The following PPCDC variants were observed in gnomAD, a reference collection of about 807,000 sequenced individuals.
The protein encoded by PPCDC is phosphopantothenoylcysteine decarboxylase.
Under a neutral mutation model 20.7 loss-of-function variants are expected in PPCDC, and 20 were observed. The observed-to-expected ratio is 0.97, with a 90% CI of 0.68 to 1.41. The LOEUF (loss-of-function observed/expected upper bound fraction) is 1.41, where lower values mean the gene tolerates loss of function less well. Among genes scored for constraint, PPCDC ranks in the 40% most tolerant of loss-of-function variants. The pLI is 0.00. For missense variants in PPCDC, 246 were observed against 263.8 expected, an observed-to-expected ratio of 0.93 and a Z score of 0.47; for synonymous variants, 88 against 100.3, an observed-to-expected ratio of 0.88 and a Z score of 0.73.
intron 2 of PPCDC, among the ~76,000 whole-genome samples, chr15:75,042,073 A>T (rs1345471115): frequency 6.6e-6 from 1 of 152,220 alleles, no homozygotes; most frequent in Non-Finnish European, 1.5e-5. Context: ...AAATCTTCCA[A>T]CTTGGACATG....
chr15:75,031,697 C>T (rs2066023845), intron 2 of PPCDC, among the ~76,000 whole-genome samples: 1 of 152,078 alleles, frequency 6.6e-6, no homozygotes, highest in South Asian at 2.1e-4. Context: ...GAGCAAGACT[C>T]CATCTCAAAA....
intron 4 of PPCDC, among the ~76,000 whole-genome samples, chr15:75,047,881 G>T (rs1767296124): frequency 6.6e-6 from 1 of 152,194 alleles, no homozygotes; most frequent in Non-Finnish European, 1.5e-5. Context: ...CTGTGAGCTG[G>T]ATGGCTCCTT....
rs375784950 is a variant in PPCDC at position 75,044,529 on chromosome 15, G to A, written c.360+15G>A. On this transcript the variant is annotated intron_variant, in intron 4 of 5. Transcript: ENST00000342932. ...ACAACTTGCTTGTGAGTGATGTCCT[G>A]GTGCCCTCGTCCGTCCCTGGGCCTC... is the stretch of plus-strand genomic sequence containing the variant. 4 of 1,611,850 alleles carry A rather than the reference G, an allele frequency of 2.5e-6. No homozygotes were observed. The highest frequency in any genetic ancestry group is 2.7e-5 in the African/African-American group (2 of 74,924).
chr15:75,031,002 T>C (rs1241862017), intron 2 of PPCDC, among the ~76,000 whole-genome samples: 1 of 152,060 alleles, frequency 6.6e-6, no homozygotes, highest in African/African-American at 2.4e-5. Flanking sequence ...CTTGAGTATG[T>C]TGGGGCAGGT....
At position 75,028,981 on chromosome 15, in the gene PPCDC, C is replaced by T. The variant is rs186360123; in HGVS notation, c.135+528C>T. Among the ~76,000 whole-genome samples the T allele has an allele frequency of 5.4e-3, 829 of 152,236 alleles. 6 individuals carry two copies. The highest frequency in any genetic ancestry group is 0.019 in the African/African-American group (790 of 41,532). Reference sequence around the variant, plus strand: ...TGTTCAGAGCTGCCCCAGGGGCCCCCGACTGTGTGCTGGGGTGAGGGACTC... The same window carrying T: ...TGTTCAGAGCTGCCCCAGGGGCCCCTGACTGTGTGCTGGGGTGAGGGACTC... On this transcript the variant is annotated intron_variant, in intron 2 of 5. Transcript: ENST00000342932.
intron 2 of PPCDC, among the ~76,000 whole-genome samples, chr15:75,041,102 C>T (rs910443459): frequency 6.6e-6 from 1 of 152,138 alleles, no homozygotes; most frequent in South Asian, 2.1e-4. Flanking sequence ...ACTTATTGTG[C>T]CCTCTTCTTT....
chr15:75,039,788 G>GT (rs34584428), intron 2 of PPCDC, among the ~76,000 whole-genome samples: 43,626 of 142,646 alleles, frequency 0.31, 7,477 homozygotes, highest in East Asian at 0.6. Context: ...TTCTTTCTTT[G>GT]TTTTTTTTTT....
intron 2 of PPCDC, among the ~76,000 whole-genome samples, chr15:75,030,601 C>T (rs1298666196): frequency 6.6e-6 from 1 of 152,206 alleles, no homozygotes; most frequent in Non-Finnish European, 1.5e-5. Context: ...TCCCTGCACA[C>T]TCCCCTTCAC....
intron 4 of PPCDC, among the ~76,000 whole-genome samples, chr15:75,046,637 A>C (rs906847961): frequency 2.0e-5 from 3 of 152,246 alleles, no homozygotes; most frequent in Non-Finnish European, 4.4e-5. Flanking sequence ...CAAATTTTAC[A>C]AAGTTTGAAG....
intron 2 of PPCDC, among the ~76,000 whole-genome samples, chr15:75,038,747 T>A (rs778573817): frequency 3.3e-5 from 5 of 152,192 alleles, no homozygotes; most frequent in Non-Finnish European, 1.5e-5. Flanking sequence ...AATTTAATTT[T>A]TTTTTTGTAA....
At position 75,028,125 on chromosome 15, in the gene PPCDC, T is replaced by G. The variant is rs184963365; in HGVS notation, c.-72-122T>G. On this transcript the variant is annotated intron_variant, in intron 1 of 5. Coordinates refer to ENST00000342932, the MANE Select transcript of PPCDC (RefSeq NM_021823.5). ...CTTTCTTATCAAACTGTGTGCTCCC[T>G]GAAGCCAGGACTGCTGATCCCTTCC... 1,211 of 664,802 alleles carry G rather than the reference T, an allele frequency of 1.8e-3. 9 individuals carry two copies. Among genetic ancestry groups the G allele is most frequent in the Middle Eastern group, 1.7e-3 (4 of 2,376 alleles). 41.2% of individuals were successfully genotyped at this position (664,802 alleles called of 1,614,324 possible).
chr15:75,039,668 T>C (rs533256990), intron 2 of PPCDC, among the ~76,000 whole-genome samples: 30 of 152,374 alleles, frequency 2.0e-4, no homozygotes, highest in African/African-American at 6.7e-4. Flanking sequence ...TCTTATCTTG[T>C]AGGATCTGCT....
chr15:75,048,952 T>A (rs548415588), intron 5 of PPCDC, among the ~76,000 whole-genome samples, 198 bp from the exon 6 acceptor site: 1 of 152,146 alleles, frequency 6.6e-6, no homozygotes, highest in African/African-American at 2.4e-5. Context: ...CCACACGCAG[T>A]TAAGGATGGC....
At chr15:75,048,395 T>C (rs1749684163) in intron 4 of PPCDC, among the ~76,000 whole-genome samples, 158 bp from the exon 5 acceptor site, 1 of 152,168 alleles carries the variant, frequency 6.6e-6, no homozygotes. Flanking sequence ...CGAGGAGACA[T>C]AGCCCCCACC....
At chr15:75,047,082 G>C (rs909552683) in intron 4 of PPCDC, among the ~76,000 whole-genome samples, 2 of 152,272 alleles carry the variant, frequency 1.3e-5, no homozygotes, top group African/African-American at 4.8e-5. Context: ...CGTGGGTTCA[G>C]AGTAGCTGAG....
intron 1 of PPCDC, among the ~76,000 whole-genome samples, chr15:75,024,299 G>A (rs942602529): frequency 9.2e-5 from 14 of 152,154 alleles, no homozygotes; most frequent in African/African-American, 3.4e-4. Context: ...CCACGTGTGT[G>A]AGTGTGTGTG....
chr15:75,043,529 A>C lies in PPCDC; in HGVS notation c.224A>C (p.Glu75Ala). 1 of 1,609,052 alleles carries C rather than the reference A, an allele frequency of 6.2e-7. No homozygotes were observed. ...IPVTLYSDAD[E>A]WEIWKSRSDP... ...GTCACCCTCTACAGCGACGCTGATG[A>C]ATGGGAGGTCAGTGCTGGGGCCCCT... Residue 75 changes from glutamate to alanine, a missense_variant, in exon 3 of 6, where the codon GAA (glutamate) becomes GCA (alanine). Transcript: ENST00000342932.
At chr15:75,039,518 G>GA (rs2066127367) in intron 2 of PPCDC, among the ~76,000 whole-genome samples, 1 of 152,204 alleles carries the variant, frequency 6.6e-6, no homozygotes, top group African/African-American at 2.4e-5. Flanking sequence ...AGGTCAGGAA[G>GA]TCCTCCTGTA....
chr15:75,043,183 C>T (rs927832825), intron 2 of PPCDC: 21 of 394,516 alleles, frequency 5.3e-5, no homozygotes, highest in Middle Eastern at 6.7e-4. Context: ...TTTGTATATA[C>T]GGGCAGTTGG....
Sources: allele counts gnomAD v4.1 joint callset (sites outside exome capture counted in the v4.1 genomes callset), GRCh38; gene constraint gnomAD v4.1.1; transcripts MANE v1.5; gene names NCBI Gene and HGNC (gene_info 2026-07-23, HGNC 2026-07-21).